The following PPP1R1C variants were observed in gnomAD, a reference collection of about 807,000 sequenced individuals.
PPP1R1C encodes protein phosphatase 1 regulatory inhibitor subunit 1C, also known as protein phosphatase 1 regulatory subunit 1C.
A neutral mutation model predicts 17.4 loss-of-function variants in PPP1R1C; 15 were observed. The observed-to-expected ratio is 0.86, with a 90% confidence interval of 0.58 to 1.33. The LOEUF is 1.33. Among genes scored for constraint, PPP1R1C ranks in the 40% most tolerant of loss-of-function variants. The probability of loss-of-function intolerance (pLI) is 0.00; values close to 1 mark genes in which losing one functional copy is unlikely to be tolerated. For missense variants in PPP1R1C, 143 were observed against 130.0 expected (o/e 1.10, Z -0.48); for synonymous variants, 35 against 43.1 (o/e 0.81, Z 0.73).
At chr2:182,083,296 G>A (rs776974272) in intron 4 of PPP1R1C, among the ~76,000 whole-genome samples, 1 of 151,998 alleles carries the variant, frequency 6.6e-6, no homozygotes. Context: ...GTGGTTTTTG[G>A]TTACACGGAT....
intron 4 of PPP1R1C, among the ~76,000 whole-genome samples, chr2:182,074,530 A>G (rs556296298): frequency 1.3e-5 from 2 of 152,320 alleles, no homozygotes; most frequent in Admixed American, 6.5e-5. Context: ...GAATAGATCA[A>G]TTGAAATCCT....
At chr2:182,121,776 A>G (rs987719316), downstream of PPP1R1C, among the ~76,000 whole-genome samples, 4 of 152,202 alleles carry the variant, frequency 2.6e-5, no homozygotes, top group Admixed American at 6.5e-5. Flanking sequence ...TGCTGGGATT[A>G]CAGGCGTGAG....
At chr2:182,124,314 G>GGTTTTTTTTTTTTTTTTTT (rs1689812754) in intron 5 of PPP1R1C, among the ~76,000 whole-genome samples, 1 of 42,100 alleles carries the variant, frequency 2.4e-5, no homozygotes, top group African/African-American at 6.8e-5. Flanking sequence ...GTTTTTTTTT[G>GGTTTTTTTTTTTTTTTTTT]TTTTTTTTTT....
At chr2:182,088,664 A>G (rs749248545) in intron 4 of PPP1R1C, among the ~76,000 whole-genome samples, 1 of 152,104 alleles carries the variant, frequency 6.6e-6, no homozygotes, top group Non-Finnish European at 1.5e-5. Context: ...TTTTCTTATC[A>G]CTTGATTCTT....
chr2:182,032,997 T>C (rs1185481214), intron 2 of PPP1R1C, among the ~76,000 whole-genome samples: 1 of 152,196 alleles, frequency 6.6e-6, no homozygotes, highest in Non-Finnish European at 1.5e-5. Context: ...CCTGTTGCAG[T>C]CTGACTTTAC....
intron 2 of PPP1R1C, among the ~76,000 whole-genome samples, chr2:182,024,946 ATTC>A (rs201711633): frequency 6.7e-5 from 10 of 149,846 alleles, no homozygotes; most frequent in East Asian, 5.8e-4. Context: ...AAATTAATAT[ATTC>A]TTCTTTTTTT....
At chr2:182,120,736 T>C (rs75172103), downstream of PPP1R1C, among the ~76,000 whole-genome samples, 4,663 of 152,284 alleles carry the variant, frequency 0.031, 220 homozygotes, top group Admixed American at 0.13. Context: ...AAAATGCTTT[T>C]TCAAAGGGAC....
At chr2:181,958,773 T>C (rs1391240303) in intron 1 of PPP1R1C, among the ~76,000 whole-genome samples, 1 of 152,244 alleles carries the variant, frequency 6.6e-6, no homozygotes, top group African/African-American at 2.4e-5. Flanking sequence ...ATCTGACTTA[T>C]TGAGATGCAT....
rs529732903 is a variant in PPP1R1C, at chr2:182,059,469, G to A, written c.143-1973G>A. ...CCTAAAGACTTCTGGGACTGCCAAC[G>A]GGGTCAGAATTTGAGGCCCTGAGGG... On this transcript the variant is annotated intron_variant, in intron 2 of 4. Transcript: ENST00000682840. Among the ~76,000 whole-genome samples, 22 of 151,966 alleles carry A rather than the reference G, an allele frequency of 1.4e-4. No homozygotes were observed. The South Asian group carries it at 2.3e-3, about 16-fold the overall frequency.
intron 1 of PPP1R1C, among the ~76,000 whole-genome samples, chr2:181,973,638 T>C (rs567853658): frequency 6.6e-6 from 1 of 152,286 alleles, no homozygotes; most frequent in South Asian, 2.1e-4. Context: ...TGATCATTTG[T>C]TGAAGATTAA....
At chr2:181,981,179 C>T (rs907004903), upstream of PPP1R1C, among the ~76,000 whole-genome samples, 2 of 151,990 alleles carry the variant, frequency 1.3e-5, no homozygotes, top group Admixed American at 6.6e-5. Flanking sequence ...CCGCCCGCCT[C>T]GGCCTCCCAA....
intron 1 of PPP1R1C, among the ~76,000 whole-genome samples, chr2:181,958,022 C>A (rs1401992194): frequency 6.6e-6 from 1 of 152,150 alleles, no homozygotes; most frequent in Non-Finnish European, 1.5e-5. Flanking sequence ...GGAAAGAAAG[C>A]TACACCCGTG....
At position 181,962,375 on chromosome 2, in the gene PPP1R1C, A is replaced by C; in HGVS notation, n.111+7741A>C. 3 of 884,040 alleles carry C rather than the reference A, an allele frequency of 3.4e-6. No individual in the cohort carries two copies. The highest frequency in any genetic ancestry group is 3.4e-4 in the Middle Eastern group (1 of 2,900). The allele number at this position is 884,040 out of a possible 1,614,324, so 54.8% of individuals were successfully genotyped here. A position where few individuals can be genotyped will look rare whatever the true frequency, so the allele number is the denominator to read the frequency against. ...ACCAGAGCCCCCGGCGCCTGCATAGACGCTGGCCATGCAGCTGGCCGGCCG... is the reference window on the plus strand; with the variant it reads ...ACCAGAGCCCCCGGCGCCTGCATAGCCGCTGGCCATGCAGCTGGCCGGCCG... On this transcript the variant is annotated intron_variant and non_coding_transcript_variant, in intron 1 of 5. Transcript: ENST00000464264. This position sits in a 1 kb window ranked among gnomAD's most constrained non-coding sequence, Gnocchi z 6.0.
rs570326454 is a variant in PPP1R1C, at chr2:181,960,453, G to C, written n.111+5819G>C. Among the ~76,000 whole-genome samples the C allele has an allele frequency of 9.2e-5, 14 of 152,320 alleles. No homozygotes were observed. The South Asian group carries it at 2.9e-3, about 32-fold the overall frequency. Reference sequence around the variant, plus strand: ...GCATACAGTAAGTAAAAGAGAAAGAGTCTTGGCAATTTTGTAGTTTTTGTT... The same window carrying C: ...GCATACAGTAAGTAAAAGAGAAAGACTCTTGGCAATTTTGTAGTTTTTGTT... On this transcript the variant is annotated intron_variant and non_coding_transcript_variant, in intron 1 of 5. Transcript: ENST00000464264.
rs1689125909 is a variant in PPP1R1C, at chr2:182,102,477, G to T, written c.242-14730G>T. ...TCAATTCTATTTTTTTCTCAGAGTA[G>T]TTTCTATCATTTGAGGAAGAAATAA... is the stretch of plus-strand genomic sequence containing the variant. On this transcript the variant is annotated intron_variant, in intron 4 of 4. Coordinates refer to ENST00000682840, the MANE Select transcript of PPP1R1C (RefSeq NM_001080545.3). Among the ~76,000 whole-genome samples the T allele has an allele frequency of 2.0e-5, 3 of 152,044 alleles. No homozygotes were observed. In the South Asian group the frequency reaches 6.2e-4, roughly 32 times the overall value.
chr2:181,993,052 A>C lies in PPP1R1C; in HGVS notation c.142+5153A>C, dbSNP rs142095851. ...TTTCAGGATTCTGAAACTAAGTTAAAAAAACAGATTTTGAAGCCTCTAGAT... is the reference window on the plus strand; with the variant it reads ...TTTCAGGATTCTGAAACTAAGTTAACAAAACAGATTTTGAAGCCTCTAGAT... On this transcript the variant is annotated intron_variant, in intron 2 of 4. Coordinates refer to ENST00000682840, the MANE Select transcript of PPP1R1C (RefSeq NM_001080545.3). 4.3e-4 allele frequency among the ~76,000 whole-genome samples: 65 copies of C among 152,288 alleles called. 1 individual carries two copies. In the East Asian group the frequency reaches 0.012, roughly 28 times the overall value.
At chr2:182,020,351 G>A (rs1469532991) in intron 2 of PPP1R1C, among the ~76,000 whole-genome samples, 1 of 152,138 alleles carries the variant, frequency 6.6e-6, no homozygotes, top group Non-Finnish European at 1.5e-5. Context: ...ATGCGTTCTG[G>A]AATTGGGGGT....
chr2:182,020,691 CCTTT>C (rs1305075455), intron 2 of PPP1R1C, among the ~76,000 whole-genome samples: 1 of 152,118 alleles, frequency 6.6e-6, no homozygotes, highest in Non-Finnish European at 1.5e-5. Flanking sequence ...CCACTGTCTT[CCTTT>C]CTTCTGCTTT....
At chr2:182,015,123 G>T (rs1016370702) in intron 2 of PPP1R1C, among the ~76,000 whole-genome samples, 1 of 152,130 alleles carries the variant, frequency 6.6e-6, no homozygotes. Flanking sequence ...GAAGGAGTCC[G>T]ATATGGTTTG....
Sources: gnomAD v4.1 joint callset for allele counts (sites outside exome capture counted in the v4.1 genomes callset) on GRCh38, gnomAD v4.1.1 for gene constraint, Gnocchi (gnomAD v3.1) non-coding constraint, MANE v1.5 for transcripts, NCBI Gene and HGNC (gene_info 2026-07-23, HGNC 2026-07-21) for gene names.